The following GRIA2 variants were observed in gnomAD, a reference collection of about 807,000 sequenced individuals.
The protein encoded by GRIA2 is glutamate ionotropic receptor AMPA type subunit 2, also known as glutamate receptor 2.
In GRIA2, 14 loss-of-function variants were observed where a neutral mutation model predicts 97.3. The observed-to-expected ratio is 0.14, with a 90% CI of 0.10 to 0.23. The LOEUF (loss-of-function observed/expected upper bound fraction) is 0.23, where lower values mean the gene tolerates loss of function less well. Among genes scored for constraint, GRIA2 ranks in the 10% least tolerant of loss-of-function variants. The pLI, the probability that GRIA2 is intolerant of heterozygous loss-of-function variation, is 1.00. For missense variants in GRIA2, 558 were observed against 1,069.8 expected (o/e 0.52, Z 6.67); for synonymous variants, 412 against 387.8 (o/e 1.06, Z -0.73).
At chr4:157,288,661 A>G (rs897838038) in intron 2 of GRIA2, among the ~76,000 whole-genome samples, 2 of 151,792 alleles carry the variant, frequency 1.3e-5, no homozygotes, top group Non-Finnish European at 2.9e-5. Flanking sequence ...GGGCTATTTA[A>G]AAAGAACTAC....
At chr4:157,324,595 CAG>C (rs1296151354) in intron 6 of GRIA2, among the ~76,000 whole-genome samples, 1 of 152,118 alleles carries the variant, frequency 6.6e-6, no homozygotes, top group Non-Finnish European at 1.5e-5. Context: ...GCAAAATGTA[CAG>C]AGACTCGAAG....
chr4:157,313,295 A>G (rs970029479), intron 4 of GRIA2, among the ~76,000 whole-genome samples: 1 of 152,110 alleles, frequency 6.6e-6, no homozygotes, highest in African/African-American at 2.4e-5. Context: ...TAGACCATCT[A>G]TGCCTCCAGA....
chr4:157,220,854 T>C lies in GRIA2; in HGVS notation c.-189T>C. ...TGGAGCGGGGACAGGGCGCAGGGCATCAGCAGCCACCAGCAGGACCTGGGA... is the reference window on the plus strand; with the variant it reads ...TGGAGCGGGGACAGGGCGCAGGGCACCAGCAGCCACCAGCAGGACCTGGGA... On this transcript the variant is annotated 5_prime_UTR_variant, in exon 1 of 16. Coordinates refer to ENST00000264426, the MANE Select transcript of GRIA2 (RefSeq NM_001083619.3). 3.4e-6 allele frequency: 2 copies of C among 594,034 alleles called. No individual in the cohort carries two copies. The allele number at this position is 594,034 out of a possible 1,614,324, so 36.8% of individuals were successfully genotyped here. A position where few individuals can be genotyped will look rare whatever the true frequency, so the allele number is the denominator to read the frequency against.
intron 2 of GRIA2, among the ~76,000 whole-genome samples, chr4:157,294,312 AT>A (rs1733241517): frequency 6.6e-6 from 1 of 151,968 alleles, no homozygotes; most frequent in Non-Finnish European, 1.5e-5. Context: ...TAAAATGATT[AT>A]TTGGACTGAG....
chr4:157,220,692 G>C (rs1179378850), upstream of GRIA2: 2 of 310,242 alleles, frequency 6.4e-6, no homozygotes, highest in Admixed American at 4.6e-5. Context: ...GCGTGAGTGA[G>C]AGAGGAGAGA....
chr4:157,257,627 T>A (rs1403155208), intron 2 of GRIA2, among the ~76,000 whole-genome samples: 1 of 152,140 alleles, frequency 6.6e-6, no homozygotes, highest in Non-Finnish European at 1.5e-5. Context: ...AATTTTCTTT[T>A]GATCTTTTAA....
intron 2 of GRIA2, among the ~76,000 whole-genome samples, chr4:157,231,375 C>T (rs1046488999): frequency 3.9e-5 from 6 of 152,170 alleles, no homozygotes; most frequent in Admixed American, 3.9e-4. Context: ...CGGGTTATCA[C>T]CATGTTGATC....
intron 3 of GRIA2, among the ~76,000 whole-genome samples, chr4:157,306,099 G>C (rs1321502473): frequency 1.3e-5 from 2 of 152,170 alleles, no homozygotes; most frequent in Non-Finnish European, 2.9e-5. Flanking sequence ...CAAAATTGAA[G>C]AATTGAATGA....
intron 8 of GRIA2, among the ~76,000 whole-genome samples, chr4:157,333,799 T>A (rs2126934273): frequency 6.6e-6 from 1 of 152,162 alleles, no homozygotes; most frequent in East Asian, 1.9e-4. Context: ...ATACAAAAAG[T>A]GAATATGAAG....
intron 12 of GRIA2, among the ~76,000 whole-genome samples, chr4:157,349,790 A>G (rs938279202): frequency 6.6e-6 from 1 of 152,166 alleles, no homozygotes; most frequent in Non-Finnish European, 1.5e-5. Context: ...ATACACAAAC[A>G]TTGAAAATGC....
At chr4:157,283,500 TAATTA>T (rs1732701366) in intron 2 of GRIA2, among the ~76,000 whole-genome samples, 1 of 152,040 alleles carries the variant, frequency 6.6e-6, no homozygotes, top group Non-Finnish European at 1.5e-5. Context: ...TTACTTAGCT[TAATTA>T]AATTAAATAA....
intron 2 of GRIA2, among the ~76,000 whole-genome samples, chr4:157,289,803 T>A (rs1275621368): frequency 6.6e-6 from 1 of 151,858 alleles, no homozygotes; most frequent in Non-Finnish European, 1.5e-5. Flanking sequence ...AAAAGAATTT[T>A]AAATAAAAAG....
intron 2 of GRIA2, among the ~76,000 whole-genome samples, chr4:157,251,425 A>T (rs376642037): frequency 6.6e-6 from 1 of 152,136 alleles, no homozygotes; most frequent in Admixed American, 6.6e-5. Flanking sequence ...TTATTTTTTT[A>T]GATGTCGTTC....
intron 6 of GRIA2, among the ~76,000 whole-genome samples, chr4:157,324,081 G>A (rs1734702232): frequency 6.6e-6 from 1 of 152,166 alleles, no homozygotes; most frequent in Admixed American, 6.6e-5. Context: ...CACTTGCAAA[G>A]GGTTAGCACA....
chr4:157,249,766 A>C (rs766636269), intron 2 of GRIA2: 8 of 152,156 alleles, frequency 5.3e-5, no homozygotes, highest in Non-Finnish European at 7.4e-5. Flanking sequence ...GGATGTATTT[A>C]CTGTTAATTG....
At chr4:157,279,182 T>C (rs1312451973) in intron 2 of GRIA2, among the ~76,000 whole-genome samples, 1 of 152,116 alleles carries the variant, frequency 6.6e-6, no homozygotes, top group Non-Finnish European at 1.5e-5. Flanking sequence ...TATTCCTAAT[T>C]GCCAAAACTT....
chr4:157,248,878 C>T (rs1178267823), intron 2 of GRIA2, among the ~76,000 whole-genome samples: 1 of 150,666 alleles, frequency 6.6e-6, no homozygotes, highest in Non-Finnish European at 1.5e-5. Flanking sequence ...CTCTCTGTCA[C>T]CCAGACTGGA....
chr4:157,334,252 A>G (rs1560771283), intron 9 of GRIA2, 132 bp downstream of exon 9: 1 of 609,492 alleles, frequency 1.6e-6, no homozygotes, highest in Non-Finnish European at 3.0e-6. Context: ...TTTATTTCAT[A>G]TTTACTCTGT....
intron 4 of GRIA2, among the ~76,000 whole-genome samples, chr4:157,315,523 GTTTGTTTGT>G (rs1469268896): frequency 9.3e-5 from 13 of 139,716 alleles, no homozygotes; most frequent in African/African-American, 3.4e-4. Flanking sequence ...TTTTTTGTTT[GTTTGTTTGT>G]TTTGTTTTGT....
Sources: allele counts gnomAD v4.1 joint callset (sites outside exome capture counted in the v4.1 genomes callset), GRCh38; gene constraint gnomAD v4.1.1; transcripts MANE v1.5; gene names NCBI Gene and HGNC (gene_info 2026-07-23, HGNC 2026-07-21).